PDPK1: variants seen among roughly 807,000 people sequenced by gnomAD.
PDPK1 encodes the protein 3-phosphoinositide dependent protein kinase 1.
In PDPK1, 7 loss-of-function variants were observed where a neutral mutation model predicts 39.8. That is an observed-to-expected ratio of 0.18 (90% CI 0.10 to 0.33). The LOEUF is 0.33. Ranked by LOEUF, PDPK1 falls within the 10% of genes least tolerant of loss-of-function variation. PDPK1 has a pLI of 1.00. For missense variants in PDPK1, 182 were observed against 384.7 expected (o/e 0.47, Z 4.41); for synonymous variants, 118 against 159.1 (o/e 0.74, Z 1.95).
intron 2 of PDPK1, among the ~76,000 whole-genome samples, chr16:2,559,892 G>A (rs1444781703): frequency 1.3e-5 from 2 of 151,668 alleles, no homozygotes; most frequent in African/African-American, 4.9e-5. Flanking sequence ...GTGAGCCGGA[G>A]GCTCCTCCAT....
intron 11 of PDPK1, among the ~76,000 whole-genome samples, chr16:2,588,313 C>G (rs569658630): frequency 7.3e-4 from 111 of 152,272 alleles, no homozygotes; most frequent in African/African-American, 2.5e-3. Flanking sequence ...GCAATCTGAG[C>G]CGTGCTGTGC....
intron 1 of PDPK1, among the ~76,000 whole-genome samples, chr16:2,544,171 T>A (rs113005019): frequency 2.0e-4 from 31 of 152,222 alleles, no homozygotes; most frequent in African/African-American, 4.8e-4. Context: ...CAACCTATGG[T>A]TGGGGATGGC....
chr16:2,538,549 G>A (rs1173265615), intron 1 of PDPK1: 3 of 1,056,532 alleles, frequency 2.8e-6, no homozygotes, highest in East Asian at 1.2e-4. Flanking sequence ...TGGCGCCTCC[G>A]CCTGCGAGAG....
chr16:2,596,873 G>T (rs2067113759), intron 12 of PDPK1, among the ~76,000 whole-genome samples: 1 of 152,152 alleles, frequency 6.6e-6, no homozygotes, highest in Admixed American at 6.5e-5. Flanking sequence ...AGAGGGGCCA[G>T]GGGAGCCATG....
chr16:2,595,873 G>A, intron 12 of PDPK1, 23 bp downstream of exon 12: 1 of 1,590,758 alleles, frequency 6.3e-7, no homozygotes, highest in Non-Finnish European at 8.6e-7. Context: ...TGGTCCCGCT[G>A]CTCCGCACGG....
In PDPK1 at chr16:2,599,705, TTCC is replaced by T. The variant is rs1185522825; in HGVS notation, c.*1947_*1949del. The T allele has an allele frequency of 6.0e-5, 14 of 233,354 alleles. No homozygotes were observed. Among genetic ancestry groups the T allele is most frequent in the African/African-American group, 2.2e-4 (10 of 45,366 alleles). The allele number at this position is 233,354 out of a possible 1,614,324, so 14.5% of individuals were successfully genotyped here. On this transcript the variant is annotated 3_prime_UTR_variant, in exon 14 of 14. Coordinates refer to ENST00000342085, the MANE Select transcript of PDPK1 (RefSeq NM_002613.5). ...CCCTTTCAGGAATTTCTGTTCAGGCTTCCTCCTCCTCATCAGCTATTTTACCCA... is the reference window on the plus strand; with the variant it reads ...CCCTTTCAGGAATTTCTGTTCAGGCTTCCTCCTCATCAGCTATTTTACCCA...
intron 1 of PDPK1, among the ~76,000 whole-genome samples, chr16:2,541,217 G>A (rs550699603): frequency 1.3e-5 from 2 of 152,192 alleles, no homozygotes; most frequent in African/African-American, 4.8e-5. Context: ...CTTCTTGACA[G>A]GTCTTGGCCC....
Position 2,599,764 on chromosome 16 carries a change from G to C in PDPK1, c.*1997G>C, listed in dbSNP as rs2067177831. 1 of 233,680 alleles carries C rather than the reference G, an allele frequency of 4.3e-6. No homozygotes were observed. The highest frequency in any genetic ancestry group is 8.4e-6 in the Non-Finnish European group (1 of 118,384). 14.5% of individuals were successfully genotyped at this position (233,680 alleles called of 1,614,324 possible). ...GAACGTCCTGTGTCTCCATGTAGGAGAGTGGCTCTCTCAGATCTCTCAGGG... is the reference window on the plus strand; with the variant it reads ...GAACGTCCTGTGTCTCCATGTAGGACAGTGGCTCTCTCAGATCTCTCAGGG... On this transcript the variant is annotated 3_prime_UTR_variant, in exon 14 of 14. Transcript: ENST00000342085.
chr16:2,552,013 A>T (rs2066423137), intron 1 of PDPK1, among the ~76,000 whole-genome samples: 1 of 151,010 alleles, frequency 6.6e-6, no homozygotes, highest in Non-Finnish European at 1.5e-5. Context: ...TGGGGTTCTT[A>T]AAAAGAGATG....
At chr16:2,573,750 A>T (rs890229599) in intron 6 of PDPK1, among the ~76,000 whole-genome samples, 4 of 139,298 alleles carry the variant, frequency 2.9e-5, no homozygotes, top group Non-Finnish European at 6.0e-5. Flanking sequence ...AAAAAAAAAA[A>T]ATAGAATTGT....
chr16:2,547,047 G>A lies in PDPK1; in HGVS notation c.24+8911G>A, dbSNP rs1290173865. On this transcript the variant is annotated intron_variant, in intron 1 of 13. Transcript: ENST00000342085. ...CAGCACTGCTTGGACTTCCCCTGTG[G>A]GAAAGGATGGGGACAGATCAGTCTT... Among the ~76,000 whole-genome samples, 12 of 148,230 alleles carry A rather than the reference G, an allele frequency of 8.1e-5. No individual in the cohort carries two copies. In the Middle Eastern group the frequency reaches 0.017, roughly 210 times the overall value.
intron 11 of PDPK1, among the ~76,000 whole-genome samples, chr16:2,595,287 G>A (rs947452575): frequency 6.6e-6 from 1 of 152,170 alleles, no homozygotes; most frequent in Non-Finnish European, 1.5e-5. Flanking sequence ...ATGTTCTTAC[G>A]TCCAACTTGG....
In PDPK1 at chr16:2,601,942, GT is replaced by G. The variant is rs2067225492; in HGVS notation, c.*4180del. The G allele has an allele frequency of 2.6e-5, 6 of 233,028 alleles. No individual in the cohort carries two copies. In the South Asian group the frequency reaches 1.1e-3, roughly 42 times the overall value. 14.4% of individuals were successfully genotyped at this position (233,028 alleles called of 1,614,324 possible). A position where few individuals can be genotyped will look rare whatever the true frequency, so the allele number is the denominator to read the frequency against. The stretch of plus-strand genomic sequence containing the variant: ...GATTGTGCAGGGGAACGTGCAGGAG[GT>G]TTTTCTAGGCACCGTGTTCAGTGCT... On this transcript the variant is annotated 3_prime_UTR_variant, in exon 14 of 14. Coordinates refer to ENST00000342085, the MANE Select transcript of PDPK1 (RefSeq NM_002613.5).
chr16:2,577,316 A>C, intron 6 of PDPK1, 109 bp from the exon 7 acceptor site: 1 of 701,402 alleles, frequency 1.4e-6, no homozygotes, highest in South Asian at 1.6e-5. Flanking sequence ...TGCGCCCCGG[A>C]CAAGTCTGGC....
chr16:2,545,614 C>T (rs371342077), intron 1 of PDPK1, among the ~76,000 whole-genome samples: 1 of 152,092 alleles, frequency 6.6e-6, no homozygotes, highest in Admixed American at 6.5e-5. Flanking sequence ...CCTGCTTCAG[C>T]TTCATGAGTA....
rs2067153369 is a variant in PDPK1 at position 2,598,708 on chromosome 16, T to A, written c.*941T>A. ...TGTGGAGCAGAGAGGCCTGAGGGCC[T>A]CCTAAAAGGTTTAAATGTCCACGCC... On this transcript the variant is annotated 3_prime_UTR_variant, in exon 14 of 14. Coordinates refer to ENST00000342085, the MANE Select transcript of PDPK1 (RefSeq NM_002613.5). 1 of 233,154 alleles carries A rather than the reference T, an allele frequency of 4.3e-6. No homozygotes were observed. Among genetic ancestry groups the A allele is most frequent in the Non-Finnish European group, 8.5e-6 (1 of 118,060 alleles). 14.4% of individuals were successfully genotyped at this position (233,154 alleles called of 1,614,324 possible).
At position 2,585,621 on chromosome 16, in the gene PDPK1, G is replaced by T. The variant is rs113932992; in HGVS notation, c.1126-1055G>T. ...ATTGGGCAGTGTTGGAGACAAGCAG[G>T]CTGGGCAGGCCCACACCCCGTGGAG... is the stretch of plus-strand genomic sequence containing the variant. On this transcript the variant is annotated intron_variant, in intron 10 of 13. Coordinates refer to ENST00000342085, the MANE Select transcript of PDPK1 (RefSeq NM_002613.5). Among the ~76,000 whole-genome samples, 12 of 152,332 alleles carry T rather than the reference G, an allele frequency of 7.9e-5. 1 individual carries two copies. Among genetic ancestry groups the T allele is most frequent in the African/African-American group, 2.9e-4 (12 of 41,582 alleles).
intron 6 of PDPK1, chr16:2,576,477 G>T (rs2066711835): frequency 7.0e-6 from 1 of 143,656 alleles, no homozygotes; most frequent in Non-Finnish European, 1.5e-5. Context: ...TTTGTTTTTT[G>T]TTTATTATTT....
intron 6 of PDPK1, among the ~76,000 whole-genome samples, chr16:2,573,807 T>C (rs1258091973): frequency 8.4e-6 from 1 of 119,670 alleles, no homozygotes; most frequent in Non-Finnish European, 1.7e-5. Context: ...ATTTTTTTTT[T>C]TTTTGAGACG....
Sources: gnomAD v4.1 joint callset for allele counts (sites outside exome capture counted in the v4.1 genomes callset) on GRCh38, gnomAD v4.1.1 for gene constraint, MANE v1.5 for transcripts, NCBI Gene and HGNC (gene_info 2026-07-23, HGNC 2026-07-21) for gene names.